Variants in FBXO5 observed in about 807,000 individuals in gnomAD.
FBXO5 encodes the protein F-box only protein 5.
A neutral mutation model predicts 43.3 loss-of-function variants in FBXO5; 8 were observed. That is an observed-to-expected ratio of 0.18 (90% CI 0.11 to 0.33). The LOEUF (loss-of-function observed/expected upper bound fraction) is 0.33, where lower values mean the gene tolerates loss of function less well. Among genes scored for constraint, FBXO5 ranks in the 10% least tolerant of loss-of-function variants. The pLI is 1.00. For missense variants in FBXO5, 491 were observed against 535.7 expected (o/e 0.92, Z 0.82); for synonymous variants, 204 against 193.7 (o/e 1.05, Z -0.44).
intron 2 of FBXO5, 82 bp downstream of exon 2, chr6:152,974,825 T>C (rs750842405): frequency 6.4e-6 from 7 of 1,085,948 alleles, no homozygotes; most frequent in Non-Finnish European, 9.3e-6. Flanking sequence ...TACAACAGCC[T>C]TTGCATGAGC....
upstream of FBXO5, chr6:152,983,332 T>A: frequency 5.0e-6 from 1 of 200,200 alleles, no homozygotes; most frequent in Non-Finnish European, 1.0e-5. Context: ...CTATCACGCA[T>A]GCGTGCGCCC....
At chr6:152,977,579 C>G (rs570802864) in intron 1 of FBXO5, among the ~76,000 whole-genome samples, 2 of 152,068 alleles carry the variant, frequency 1.3e-5, no homozygotes, top group Non-Finnish European at 2.9e-5. Context: ...CCTAATTAAC[C>G]CTAAACCTAG....
intron 4 of FBXO5, 88 bp from the exon 5 acceptor site, chr6:152,971,502 C>T: frequency 1.5e-6 from 2 of 1,323,834 alleles, no homozygotes; most frequent in South Asian, 2.9e-5. Flanking sequence ...CTTGCACCTT[C>T]CCCAATTCAT....
At chr6:152,981,675 C>G (rs1778260937) in intron 1 of FBXO5, among the ~76,000 whole-genome samples, 1 of 151,134 alleles carries the variant, frequency 6.6e-6, no homozygotes, top group East Asian at 1.9e-4. Context: ...AAAAAAAACC[C>G]TCATAAGGCC....
chr6:152,974,722 A>C (rs1429103006), intron 2 of FBXO5, among the ~76,000 whole-genome samples, 185 bp downstream of exon 2: 1 of 152,220 alleles, frequency 6.6e-6, no homozygotes, highest in Non-Finnish European at 1.5e-5. Flanking sequence ...TCAACTGTTT[A>C]ACCTGTAGGG....
upstream of FBXO5, chr6:152,983,393 C>T (rs547460481): frequency 4.3e-5 from 7 of 162,994 alleles, no homozygotes; most frequent in South Asian, 1.3e-3. Flanking sequence ...AAGTCCTAAT[C>T]TCAGCCCAAA....
At chr6:152,981,739 ATATT>A (rs1233889780) in intron 1 of FBXO5, among the ~76,000 whole-genome samples, 1 of 151,774 alleles carries the variant, frequency 6.6e-6, no homozygotes, top group Non-Finnish European at 1.5e-5. Flanking sequence ...TTCTAGAAAT[ATATT>A]TAATCTATTA....
At chr6:152,972,803 C>T in intron 3 of FBXO5, 1 of 501,318 alleles carries the variant, frequency 2.0e-6, no homozygotes, top group Non-Finnish European at 3.5e-6. Context: ...ATGGTCGACT[C>T]TATCTGAGAA....
At position 152,982,946 on chromosome 6, in the gene FBXO5, G is replaced by A; in HGVS notation, c.14C>T (p.Pro5Leu). The change falls in exon 1 of 5, where the codon CCC (proline) becomes CTC (leucine). Residue 5 changes from proline to leucine, a missense_variant. Pro to Leu is a moderately conservative substitution (Grantham distance 98). Transcript: ENST00000229758. MSRRPCSCALRPPRC... is the reference protein window; with the variant it reads MSRRLCSCALRPPRC... ...GGGTGGCCGTAGGGCGCAGCTGCAG[G>A]GGCGCCGGCTCATGCCAGCCGACGT... 1 of 1,424,188 alleles carries A rather than the reference G, an allele frequency of 7.0e-7. No homozygotes were observed. The highest frequency in any genetic ancestry group is 9.1e-7 in the Non-Finnish European group (1 of 1,098,824). 88.2% of individuals were successfully genotyped at this position (1,424,188 alleles called of 1,614,324 possible). A position where few individuals can be genotyped will look rare whatever the true frequency, so the allele number is the denominator to read the frequency against.
intron 1 of FBXO5, among the ~76,000 whole-genome samples, chr6:152,979,689 T>G (rs536233453): frequency 6.6e-6 from 1 of 152,346 alleles, no homozygotes; most frequent in South Asian, 2.1e-4. Context: ...CTCATAGACT[T>G]TGGGTTATAA....
At chr6:152,980,501 TG>T (rs2129094491) in intron 1 of FBXO5, among the ~76,000 whole-genome samples, 3 of 152,234 alleles carry the variant, frequency 2.0e-5, no homozygotes, top group Middle Eastern at 3.4e-3. Flanking sequence ...TGCAGATTTG[TG>T]GGGTAGGCTG....
rs1778099020 is a variant in FBXO5, at chr6:152,972,348, T to C, written c.1016A>G (p.Lys339Arg). ...QKSAAQTSLK[K>R]DAQTKLSNQG... is the part of the protein sequence containing the mutation. The stretch of plus-strand genomic sequence containing the variant: ...ATTGGATAACTTGGTTTGAGCATCT[T>C]TTTTGAGAGAAGTCTGGGCTGCTGA... The change falls in exon 4 of 5, where the codon AAA becomes AGA. Residue 339 changes from lysine to arginine, a missense_variant. By Grantham distance (26) the Lys-to-Arg change is conservative. Transcript: ENST00000229758. The C allele has an allele frequency of 6.2e-7, 1 of 1,613,066 alleles. No homozygotes were observed. The highest frequency in any genetic ancestry group is 1.3e-5 in the African/African-American group (1 of 74,918).
intron 1 of FBXO5, among the ~76,000 whole-genome samples, chr6:152,980,146 G>A (rs1778238904): frequency 6.6e-6 from 1 of 152,186 alleles, no homozygotes; most frequent in Non-Finnish European, 1.5e-5. Flanking sequence ...AATATGTGAA[G>A]TATTCATATA....
At chr6:152,976,536 T>G (rs987591704) in intron 1 of FBXO5, among the ~76,000 whole-genome samples, 4 of 152,200 alleles carry the variant, frequency 2.6e-5, no homozygotes, top group African/African-American at 9.6e-5. Flanking sequence ...ACCGTAAGTA[T>G]GAATAGTTCT....
rs550499908 is a variant in FBXO5 at position 152,971,599 on chromosome 6, A to G, written c.1093-185T>C. ...GCATTATCTGATAGATGCTCAATAA[A>G]TGCTTTTTGAATAAATCTGTATGTT... On this transcript the variant is annotated intron_variant, in intron 4 of 4. Coordinates refer to ENST00000229758, the MANE Select transcript of FBXO5 (RefSeq NM_012177.5). Among the ~76,000 whole-genome samples, 4 of 152,192 alleles carry G rather than the reference A, an allele frequency of 2.6e-5. No individual in the cohort carries two copies. In the South Asian group the frequency reaches 6.2e-4, roughly 24 times the overall value.
At chr6:152,977,491 A>G (rs2129094010) in intron 1 of FBXO5, among the ~76,000 whole-genome samples, 1 of 152,334 alleles carries the variant, frequency 6.6e-6, no homozygotes, top group South Asian at 2.1e-4. Context: ...GACACATAGT[A>G]TGTGCTCCAG....
intron 2 of FBXO5, 72 bp downstream of exon 2, chr6:152,974,835 C>G (rs1292650707): frequency 8.5e-7 from 1 of 1,171,498 alleles, no homozygotes; most frequent in Non-Finnish European, 1.2e-6. Context: ...TTTGCATGAG[C>G]TGGTGGTACT....
At position 152,975,117 on chromosome 6, in the gene FBXO5, G is replaced by A. The variant is rs895195856; in HGVS notation, c.608C>T (p.Ser203Leu). ...PVLHFEKVVC[S>L]TLKKNAKRNP... ...TCGTTTTGCATTCTTTTTTAATGTT[G>A]AACAAACCACTTTTTCAAAATGAAG... The change falls in exon 2 of 5, where the codon TCA (serine) becomes TTA (leucine). Residue 203 changes from serine to leucine, a missense_variant. Ser to Leu is a moderately radical substitution (Grantham distance 145). Transcript: ENST00000229758. 1 of 1,614,000 alleles carries A rather than the reference G, an allele frequency of 6.2e-7. No homozygotes were observed.
chr6:152,971,650 T>G (rs1364792058), intron 4 of FBXO5, among the ~76,000 whole-genome samples: 1 of 152,202 alleles, frequency 6.6e-6, no homozygotes, highest in Admixed American at 6.5e-5. Flanking sequence ...GCATAAAATT[T>G]AAGAATAGTT....
Sources: allele counts gnomAD v4.1 joint callset (sites outside exome capture counted in the v4.1 genomes callset), GRCh38; gene constraint gnomAD v4.1.1; transcripts MANE v1.5; gene names NCBI Gene and HGNC (gene_info 2026-07-23, HGNC 2026-07-21).